The following ATG2B variants were observed in gnomAD, a reference collection of about 807,000 sequenced individuals.
ATG2B encodes autophagy-related protein 2 homolog B.
A neutral mutation model predicts 241.3 loss-of-function variants in ATG2B; 121 were observed. That is an observed-to-expected ratio of 0.50 (90% CI 0.43 to 0.58). ATG2B has a LOEUF of 0.58. Ranked by LOEUF, ATG2B falls within the 20% of genes least tolerant of loss-of-function variation. The pLI is 0.00. For missense variants in ATG2B, 2,306 were observed against 2,491.6 expected (o/e 0.93, Z 1.59); for synonymous variants, 858 against 876.6 (o/e 0.98, Z 0.37).
At chr14:96,313,199 C>A in intron 24 of ATG2B, 42 bp from the exon 25 acceptor site, 1 of 1,450,000 alleles carries the variant, frequency 6.9e-7, no homozygotes, top group South Asian at 1.2e-5. Context: ...TTTGATACGG[C>A]TCCAGAAACT....
Position 96,291,586 on chromosome 14 carries a change from A to C in ATG2B, c.5579+14T>G, listed in dbSNP as rs1265033162. ...ATAACTTCACTTAAAGCTTCATATA[A>C]TAAATTCACTTACCCATGTCGATAG... On this transcript the variant is annotated intron_variant, in intron 38 of 41. Transcript: ENST00000359933. 6 of 1,581,540 alleles carry C rather than the reference A, an allele frequency of 3.8e-6. No individual in the cohort carries two copies. Among genetic ancestry groups the C allele is most frequent in the Non-Finnish European group, 5.2e-6 (6 of 1,157,968 alleles).
chr14:96,313,201 C>G (rs1421942317), intron 24 of ATG2B, 44 bp from the exon 25 acceptor site: 8 of 1,454,010 alleles, frequency 5.5e-6, no homozygotes, highest in Non-Finnish European at 7.7e-6. Flanking sequence ...TGATACGGCT[C>G]CAGAAACTCT....
chr14:96,291,097 C>A (rs1293035453), intron 38 of ATG2B, among the ~76,000 whole-genome samples, 162 bp from the exon 39 acceptor site: 2 of 152,046 alleles, frequency 1.3e-5, no homozygotes, highest in Non-Finnish European at 2.9e-5. Flanking sequence ...AAAAGAAACA[C>A]AAATCATCCT....
chr14:96,327,993 T>C (rs948515207), intron 14 of ATG2B, among the ~76,000 whole-genome samples: 1 of 152,154 alleles, frequency 6.6e-6, no homozygotes, highest in Non-Finnish European at 1.5e-5. Flanking sequence ...AATTTTTGTA[T>C]TTTTAGTAGA....
In ATG2B at chr14:96,295,574, A is replaced by T; in HGVS notation, c.5140-14T>A. 6.5e-7 allele frequency: 1 copy of T among 1,544,380 alleles called. No homozygotes were observed. The highest frequency in any genetic ancestry group is 8.8e-7 in the Non-Finnish European group (1 of 1,134,328). ...GAACAAAGCATCCTAAAATTAAGAG[A>T]TGTAATTTTAACTAAGGAAGAAAAG... On this transcript the variant is annotated splice_polypyrimidine_tract_variant and intron_variant, in intron 34 of 41. Coordinates refer to ENST00000359933, the MANE Select transcript of ATG2B (RefSeq NM_018036.7).
chr14:96,305,514 G>A (rs1886916998), intron 31 of ATG2B, 75 bp downstream of exon 31: 5 of 1,003,044 alleles, frequency 5.0e-6, no homozygotes, highest in Non-Finnish European at 7.2e-6. Flanking sequence ...CTCTAAAGGG[G>A]AAATGGAAAA....
intron 29 of ATG2B, among the ~76,000 whole-genome samples, chr14:96,307,237 C>T (rs960568519): frequency 2.7e-4 from 41 of 152,100 alleles, no homozygotes; most frequent in African/African-American, 8.2e-4. Flanking sequence ...CATGATGAAA[C>T]CCTGTCTCTA....
chr14:96,299,536 T>TA (rs1166029586), intron 34 of ATG2B, among the ~76,000 whole-genome samples: 2 of 152,236 alleles, frequency 1.3e-5, no homozygotes, highest in African/African-American at 4.8e-5. Context: ...AATGAATTGA[T>TA]ACGCTTTCCC....
At chr14:96,331,870 T>A (rs1015089365) in intron 10 of ATG2B, among the ~76,000 whole-genome samples, 5 of 152,126 alleles carry the variant, frequency 3.3e-5, no homozygotes, top group Non-Finnish European at 7.4e-5. Context: ...CAAACCAAGC[T>A]TTTATATTAA....
chr14:96,331,604 G>C lies in ATG2B; in HGVS notation c.1502C>G (p.Ser501Ter). 2 of 1,613,364 alleles carry C rather than the reference G, an allele frequency of 1.2e-6. No homozygotes were observed. Among genetic ancestry groups the C allele is most frequent in the Non-Finnish European group, 1.7e-6 (2 of 1,179,648 alleles). Reference protein sequence around the residue: ...LPSRSVSVDESRPELIFRLAV... With the variant: ...LPSRSVSVDE ...TAGTCTAAAAATAAGTTCAGGCCTTGATTCATCCACTGAAACAGATCTAGA... is the reference window on the plus strand; with the variant it reads ...TAGTCTAAAAATAAGTTCAGGCCTTCATTCATCCACTGAAACAGATCTAGA... Residue 501 changes from serine to a stop codon, truncating the protein, a stop_gained, in exon 11 of 42, where the codon TCA (serine) becomes TGA (stop). Transcript: ENST00000359933. LOFTEE classifies it high-confidence loss of function.
At chr14:96,320,259 C>A (rs1339798568) in intron 18 of ATG2B, among the ~76,000 whole-genome samples, 1 of 152,012 alleles carries the variant, frequency 6.6e-6, no homozygotes, top group Non-Finnish European at 1.5e-5. Context: ...CATATACTCG[C>A]CAAAGACCAA....
At chr14:96,313,284 T>G in intron 24 of ATG2B, 45 bp downstream of exon 24, 1 of 1,443,672 alleles carries the variant, frequency 6.9e-7, no homozygotes, top group Non-Finnish European at 9.5e-7. Flanking sequence ...CAAAATTTAG[T>G]AGCATTTTAA....
At chr14:96,322,001 C>T in intron 18 of ATG2B, 111 bp downstream of exon 18, 2 of 776,892 alleles carry the variant, frequency 2.6e-6, no homozygotes, top group Non-Finnish European at 4.0e-6. Flanking sequence ...ACAAAGTACA[C>T]AGAGATGGCA....
In ATG2B at chr14:96,289,865, C is replaced by T. The variant is rs1396170267; in HGVS notation, c.5857-60G>A. 3.2e-6 allele frequency: 5 copies of T among 1,567,490 alleles called. No individual in the cohort carries two copies. The highest frequency in any genetic ancestry group is 3.4e-4 in the Middle Eastern group (2 of 5,940). On this transcript the variant is annotated intron_variant, in intron 40 of 41. Coordinates refer to ENST00000359933, the MANE Select transcript of ATG2B (RefSeq NM_018036.7). The surrounding 1 kb of genome is among the most constrained non-coding windows in gnomAD (Gnocchi z 4.3). Reference sequence around the variant, plus strand: ...GAAGAAAGTCTGAAGAGTTACGGACCAGCAGAGCACTTCCTACAGGGAGTG... The same window carrying T: ...GAAGAAAGTCTGAAGAGTTACGGACTAGCAGAGCACTTCCTACAGGGAGTG...
chr14:96,336,430 T>G (rs1048485654), intron 6 of ATG2B, among the ~76,000 whole-genome samples: 1 of 152,132 alleles, frequency 6.6e-6, no homozygotes, highest in Admixed American at 6.6e-5. Context: ...TAGGCAAGGG[T>G]AGTACTTCTA....
chr14:96,287,273 A>AAAC (rs58010876), intron 41 of ATG2B, among the ~76,000 whole-genome samples: 1 of 149,750 alleles, frequency 6.7e-6, no homozygotes, highest in Non-Finnish European at 1.5e-5. Context: ...AAAAAAAAAA[A>AAAC]CGTGTCCAGA....
rs776667383 is a variant in ATG2B, at chr14:96,325,865, T to C, written c.2221A>G (p.Ile741Val). 8 of 1,613,870 alleles carry C rather than the reference T, an allele frequency of 5.0e-6. No individual in the cohort carries two copies. The Middle Eastern group carries it at 4.9e-4, about 100-fold the overall frequency. The stretch of plus-strand genomic sequence containing the variant: ...GCTGGTGTGGCAACTTGTACTGATA[T>C]CCGACAATTTGCAGGACTATGTGAA... The part of the protein sequence containing the change: ...DDSHSPANCR[I>V]SVQVATPALN... Residue 741 changes from isoleucine (I) to valine (V), a missense_variant, in exon 15 of 42, where the codon ATA becomes GTA. Ile to Val is a conservative substitution (Grantham distance 29). This residue lies in a region of ATG2B where 1,927 missense variants were observed against 2,011.2 expected (regional missense o/e 0.96). Coordinates refer to ENST00000359933, the MANE Select transcript of ATG2B (RefSeq NM_018036.7).
In ATG2B at chr14:96,284,176, G is replaced by A. The variant is rs1886274638; in HGVS notation, c.*1579C>T. 1 of 152,220 alleles carries A rather than the reference G, an allele frequency of 6.6e-6. No homozygotes were observed. The highest frequency in any genetic ancestry group is 1.9e-4 in the East Asian group (1 of 5,198). 9.4% of individuals were successfully genotyped at this position (152,220 alleles called of 1,614,324 possible). A position where few individuals can be genotyped will look rare whatever the true frequency, so the allele number is the denominator to read the frequency against. On this transcript the variant is annotated 3_prime_UTR_variant, in exon 42 of 42. Coordinates refer to ENST00000359933, the MANE Select transcript of ATG2B (RefSeq NM_018036.7). Reference sequence around the variant, plus strand: ...GTCAGAACGCACCCCACAGCCAGAGGCGCCTTCCCGGTAACACAGCACGCC... The same window carrying A: ...GTCAGAACGCACCCCACAGCCAGAGACGCCTTCCCGGTAACACAGCACGCC...
At position 96,295,214 on chromosome 14, in the gene ATG2B, T is replaced by C. The variant is rs373990099; in HGVS notation, c.5219-47A>G. ...TTGAAAAATTAGATATGCTTCTTCT[T>C]AGCAAACATTTAAATCAATCTTGAT... On this transcript the variant is annotated intron_variant, in intron 35 of 41. Transcript: ENST00000359933. 5.3e-4 allele frequency: 776 copies of C among 1,463,464 alleles called. 4 individuals are homozygous for C. Among genetic ancestry groups the C allele is most frequent in the African/African-American group, 5.2e-3 (376 of 71,658 alleles). 90.7% of individuals were successfully genotyped at this position (1,463,464 alleles called of 1,614,324 possible).
Sources: gnomAD v4.1 joint callset for allele counts (sites outside exome capture counted in the v4.1 genomes callset) on GRCh38, gnomAD v4.1.1 for gene constraint, gnomAD v4.1.1 regional missense constraint, Gnocchi (gnomAD v3.1) non-coding constraint, MANE v1.5 for transcripts, NCBI Gene and HGNC (gene_info 2026-07-23, HGNC 2026-07-21) for gene names.